CDH11: variants seen among roughly 807,000 people sequenced by gnomAD.
CDH11 encodes cadherin 11, also known as cadherin-11.
A neutral mutation model predicts 67.8 loss-of-function variants in CDH11; 11 were observed. The observed-to-expected ratio is 0.16, with a 90% CI of 0.10 to 0.27. The LOEUF is 0.27. Among genes scored for constraint, CDH11 ranks in the 10% least tolerant of loss-of-function variants. The probability of loss-of-function intolerance (pLI) is 1.00; values close to 1 mark genes in which losing one functional copy is unlikely to be tolerated. For synonymous variants in CDH11, 419 were observed against 400.0 expected, an observed-to-expected ratio of 1.05 and a Z score of -0.57; for missense variants, 847 against 1,031.2, an observed-to-expected ratio of 0.82 and a Z score of 2.45.
At chr16:65,048,545 G>A (rs571294188) in intron 2 of CDH11, among the ~76,000 whole-genome samples, 1 of 151,962 alleles carries the variant, frequency 6.6e-6, no homozygotes, top group South Asian at 2.1e-4. Context: ...GTGTGTGTGT[G>A]TATATACATA....
chr16:65,011,687 T>A (rs1422329616), intron 2 of CDH11, among the ~76,000 whole-genome samples: 2 of 152,332 alleles, frequency 1.3e-5, no homozygotes, highest in Non-Finnish European at 1.5e-5. Flanking sequence ...TTAAGATGAA[T>A]AACATATATC....
intron 6 of CDH11, among the ~76,000 whole-genome samples, 194 bp from the exon 7 acceptor site, chr16:64,988,538 G>A (rs1051416010): frequency 2.0e-5 from 3 of 152,148 alleles, no homozygotes; most frequent in Middle Eastern, 3.2e-3. Context: ...TGTGTTCTAC[G>A]AAGGGTGATA....
Position 64,971,913 on chromosome 16 carries a change from T to C in CDH11, c.1524+18A>G, listed in dbSNP as rs927512777. Reference sequence around the variant, plus strand: ...CAAGTGCATTGTTCCTAGCCAAGAATAGGGAAAGCAGGATTACCTGGTTGG... The same window carrying C: ...CAAGTGCATTGTTCCTAGCCAAGAACAGGGAAAGCAGGATTACCTGGTTGG... On this transcript the variant is annotated intron_variant, in intron 10 of 12. Coordinates refer to ENST00000268603, the MANE Select transcript of CDH11 (RefSeq NM_001797.4). 1.2e-6 allele frequency: 2 copies of C among 1,613,384 alleles called. No homozygotes were observed. Among genetic ancestry groups the C allele is most frequent in the Non-Finnish European group, 1.7e-6 (2 of 1,179,490 alleles).
At chr16:65,114,062 A>G (rs935282654) in intron 1 of CDH11, among the ~76,000 whole-genome samples, 4 of 152,304 alleles carry the variant, frequency 2.6e-5, no homozygotes, top group African/African-American at 9.6e-5. Flanking sequence ...GTTACCATAA[A>G]GGTTATTTCA....
intron 1 of CDH11, among the ~76,000 whole-genome samples, chr16:65,115,724 A>AC (rs148242495): frequency 0.014 from 2,066 of 147,404 alleles, 57 homozygotes; most frequent in African/African-American, 0.049. Context: ...AAAAAAAACA[A>AC]AAAAACAAAA....
chr16:65,053,874 A>G lies in CDH11; in HGVS notation c.-243T>C, dbSNP rs2074098938. Reference sequence around the variant, plus strand: ...CCACCCATCTGATTGGTCACTCAACAAATGACAACACGAAGGAATGTCACA... The same window carrying G: ...CCACCCATCTGATTGGTCACTCAACGAATGACAACACGAAGGAATGTCACA... On this transcript the variant is annotated 5_prime_UTR_variant, in exon 2 of 13. Transcript: ENST00000268603. The G allele has an allele frequency of 8.8e-6, 4 of 455,988 alleles. No individual in the cohort carries two copies. Among genetic ancestry groups the G allele is most frequent in the South Asian group, 4.6e-5 (3 of 64,566 alleles). 28.2% of individuals were successfully genotyped at this position (455,988 alleles called of 1,614,324 possible).
Position 65,004,997 on chromosome 16 carries a change from G to C in CDH11, c.-128C>G, listed in dbSNP as rs2073016969. The stretch of plus-strand genomic sequence containing the variant: ...TCTCTTGGGATGGAATGTCTCTGCT[G>C]GTTGAGCTCATCACGTCAGGGCTGC... On this transcript the variant is annotated 5_prime_UTR_variant, in exon 3 of 13. Coordinates refer to ENST00000268603, the MANE Select transcript of CDH11 (RefSeq NM_001797.4). 7.1e-7 allele frequency: 1 copy of C among 1,417,344 alleles called. No individual in the cohort carries two copies. The highest frequency in any genetic ancestry group is 1.5e-5 in the African/African-American group (1 of 68,608). The allele number at this position is 1,417,344 out of a possible 1,614,324, so 87.8% of individuals were successfully genotyped here.
rs971229614 is a variant in CDH11 at position 64,968,666 on chromosome 16, C to T, written c.1642+2913G>A. 14 of 496,836 alleles carry T rather than the reference C, an allele frequency of 2.8e-5. No homozygotes were observed. The East Asian group carries it at 1.1e-3, about 38-fold the overall frequency. The allele number at this position is 496,836 out of a possible 1,614,324, so 30.8% of individuals were successfully genotyped here. ...TTCTAAAAACGCTGAATGCTTATGC[C>T]GGAGTTTAGGCAAACACAATACTGA... On this transcript the variant is annotated intron_variant, in intron 11 of 12. Coordinates refer to ENST00000268603, the MANE Select transcript of CDH11 (RefSeq NM_001797.4).
At chr16:64,995,951 G>A (rs1417823294) in intron 4 of CDH11, among the ~76,000 whole-genome samples, 1 of 152,128 alleles carries the variant, frequency 6.6e-6, no homozygotes, top group Non-Finnish European at 1.5e-5. Context: ...TGGACACTTA[G>A]CAAAAGAAGA....
intron 2 of CDH11, among the ~76,000 whole-genome samples, chr16:65,039,717 A>C (rs1459768607): frequency 5.9e-5 from 9 of 152,288 alleles, no homozygotes; most frequent in Admixed American, 3.3e-4. Context: ...AATGGGATCT[A>C]ATTAAACTAA....
At chr16:65,093,296 T>G (rs942896042) in intron 1 of CDH11, among the ~76,000 whole-genome samples, 67 of 151,380 alleles carry the variant, frequency 4.4e-4, no homozygotes, top group Admixed American at 1.3e-4. Flanking sequence ...TGTTCACTAT[T>G]TCTGAGACCC....
At position 64,951,029 on chromosome 16, in the gene CDH11, A is replaced by T. The variant is rs772999496; in HGVS notation, c.1643-11T>A. ...CGCCTGCTGTGTTATCTGCAGAAAG[A>T]GGGGAGACAGGCCGTGCGCCCAGTC... On this transcript the variant is annotated splice_polypyrimidine_tract_variant and intron_variant, in intron 11 of 12. Coordinates refer to ENST00000268603, the MANE Select transcript of CDH11 (RefSeq NM_001797.4). 2.4e-5 allele frequency: 39 copies of T among 1,609,320 alleles called. No individual in the cohort carries two copies. The highest frequency in any genetic ancestry group is 1.6e-4 in the Middle Eastern group (1 of 6,068).
At chr16:65,048,849 C>A (rs1201829060) in intron 2 of CDH11, among the ~76,000 whole-genome samples, 1 of 151,620 alleles carries the variant, frequency 6.6e-6, no homozygotes, top group Non-Finnish European at 1.5e-5. Flanking sequence ...TACTACACAG[C>A]CACAGAGAAT....
intron 8 of CDH11, among the ~76,000 whole-genome samples, chr16:64,976,519 C>G (rs909969265): frequency 1.8e-4 from 27 of 152,082 alleles, no homozygotes; most frequent in African/African-American, 6.3e-4. Flanking sequence ...TGAAGAGAAA[C>G]AACCAGGAAA....
chr16:64,957,602 AC>A (rs2071549685), intron 11 of CDH11, among the ~76,000 whole-genome samples: 1 of 50,706 alleles, frequency 2.0e-5, no homozygotes, highest in Non-Finnish European at 5.9e-5. Context: ...ATGCCCGTGC[AC>A]ACACACACAC....
At chr16:65,028,089 G>C (rs1328617343) in intron 2 of CDH11, among the ~76,000 whole-genome samples, 1 of 152,192 alleles carries the variant, frequency 6.6e-6, no homozygotes, top group Admixed American at 6.5e-5. Context: ...TTTTTGAAAG[G>C]AAGAAACGGA....
intron 1 of CDH11, among the ~76,000 whole-genome samples, chr16:65,093,210 CTTTTTTT>C (rs35724614): frequency 8.4e-6 from 1 of 119,134 alleles, no homozygotes; most frequent in East Asian, 2.4e-4. Context: ...TGTTGGGTTC[CTTTTTTT>C]TTTTTTTTTT....
chr16:64,971,699 G>T lies in CDH11; in HGVS notation c.1525-3C>A. ...TCTGCACTAATTGTAACAATTGGCT[G>T]AAAGAGAAAGGTGGCCCATAAATAA... On this transcript the variant is annotated splice_region_variant and splice_polypyrimidine_tract_variant and intron_variant, in intron 10 of 12. Transcript: ENST00000268603. 1 of 1,589,640 alleles carries T rather than the reference G, an allele frequency of 6.3e-7. No individual in the cohort carries two copies. Among genetic ancestry groups the T allele is most frequent in the Non-Finnish European group, 8.6e-7 (1 of 1,158,748 alleles).
At chr16:65,027,917 T>C (rs1403563092) in intron 2 of CDH11, among the ~76,000 whole-genome samples, 1 of 152,178 alleles carries the variant, frequency 6.6e-6, no homozygotes, top group East Asian at 1.9e-4. Context: ...ATAGTTGTTT[T>C]AACAAATATA....
Sources: gnomAD v4.1 joint callset for allele counts (sites outside exome capture counted in the v4.1 genomes callset) on GRCh38, gnomAD v4.1.1 for gene constraint, MANE v1.5 for transcripts, NCBI Gene and HGNC (gene_info 2026-07-23, HGNC 2026-07-21) for gene names.